Variants in SLC5A4 observed in about 807,000 individuals in gnomAD.
The protein encoded by SLC5A4 is solute carrier family 5 member 4.
Under a neutral mutation model 70.3 loss-of-function variants are expected in SLC5A4, and 55 were observed. That is an observed-to-expected ratio of 0.78 (90% CI 0.63 to 0.98). The LOEUF (loss-of-function observed/expected upper bound fraction) is 0.98, where lower values mean the gene tolerates loss of function less well. SLC5A4 is among the 50% of genes least tolerant of loss of function. The pLI is 0.00. For missense variants in SLC5A4, 735 were observed against 839.2 expected (o/e 0.88, Z 1.53); for synonymous variants, 268 against 305.7 (o/e 0.88, Z 1.29).
chr22:32,265,115 C>T, the SLC5A4 span, among the ~76,000 whole-genome samples: 1 of 152,208 alleles, frequency 6.6e-6, no homozygotes, highest in Admixed American at 6.5e-5. Flanking sequence ...AAATTTGCTT[C>T]CTTGCCAGGC....
At chr22:32,294,832 A>G in the SLC5A4 span, among the ~76,000 whole-genome samples, 1 of 71,350 alleles carries the variant, frequency 1.4e-5, no homozygotes, top group South Asian at 6.1e-4. Context: ...ACCCCACAAC[A>G]GTCCCCAGAG....
At chr22:32,341,975 ATTG>A in the SLC5A4 span, among the ~76,000 whole-genome samples, 1 of 152,162 alleles carries the variant, frequency 6.6e-6, no homozygotes, top group East Asian at 1.9e-4. Context: ...TTGAAATTTT[ATTG>A]TTATTACAAA....
chr22:32,224,702 G>A lies in SLC5A4; in HGVS notation c.1450-220C>T, dbSNP rs554256160. Among the ~76,000 whole-genome samples the A allele has an allele frequency of 1.2e-4, 18 of 152,216 alleles. No homozygotes were observed. In the South Asian group the frequency reaches 3.3e-3, roughly 28 times the overall value. ...GAACTGTACATACCACTGCACCATC[G>A]TTGATTCTCCAATACCAGGACACTA... On this transcript the variant is annotated intron_variant, in intron 12 of 14. Coordinates refer to ENST00000266086, the MANE Select transcript of SLC5A4 (RefSeq NM_014227.3).
the SLC5A4 span, among the ~76,000 whole-genome samples, chr22:32,325,141 T>C: frequency 7.5e-3 from 1,139 of 152,320 alleles, 7 homozygotes; most frequent in South Asian, 0.017. Flanking sequence ...CCTCACTCAG[T>C]GTCAACTCTT....
chr22:32,235,204 C>T, intron 7 of SLC5A4, 111 bp from the exon 8 acceptor site: 1 of 715,278 alleles, frequency 1.4e-6, no homozygotes, highest in Non-Finnish European at 2.4e-6. Flanking sequence ...TCAGCCCAGT[C>T]CAATCCTCAG....
the SLC5A4 span, among the ~76,000 whole-genome samples, chr22:32,301,049 ACCTCCCAGGTTCAAGCAGTTCTCCTG>A: frequency 6.6e-6 from 1 of 151,840 alleles, no homozygotes; most frequent in Non-Finnish European, 1.5e-5. Context: ...TGCAGCCTCC[ACCTCCCAGGTTCAAGCAGTTCTCCTG>A]CCTCAGCCTC....
At chr22:32,231,221 G>T in intron 9 of SLC5A4, 146 bp from the exon 10 acceptor site, 1 of 644,850 alleles carries the variant, frequency 1.6e-6, no homozygotes, top group African/African-American at 1.8e-5. Flanking sequence ...CCATATCATA[G>T]ATCTGGCCCC....
chr22:32,330,061 A>G, the SLC5A4 span, among the ~76,000 whole-genome samples: 16 of 21,540 alleles, frequency 7.4e-4, no homozygotes, highest in Admixed American at 1.5e-3. Flanking sequence ...TGGGGGCTCT[A>G]GAGTGTGTGT....
chr22:32,256,851 C>A (rs1927513141), upstream of SLC5A4, among the ~76,000 whole-genome samples: 1 of 152,162 alleles, frequency 6.6e-6, no homozygotes, highest in South Asian at 2.1e-4. Context: ...CTATACTTGG[C>A]TATTATAAAT....
intron 8 of SLC5A4, 146 bp from the exon 9 acceptor site, chr22:32,233,180 C>G (rs761184172): frequency 1.3e-6 from 1 of 797,862 alleles, no homozygotes; most frequent in Non-Finnish European, 1.9e-6. Context: ...GTGTTCATTG[C>G]AGCACTATTC....
chr22:32,300,882 G>C, the SLC5A4 span, among the ~76,000 whole-genome samples: 2 of 152,138 alleles, frequency 1.3e-5, 1 homozygote, highest in South Asian at 4.1e-4. Context: ...TTATTTACAG[G>C]TTTTTGTGTG....
At chr22:32,276,461 C>T in the SLC5A4 span, among the ~76,000 whole-genome samples, 4 of 152,170 alleles carry the variant, frequency 2.6e-5, no homozygotes, top group African/African-American at 4.8e-5. Flanking sequence ...CAAAGGGAAA[C>T]GTTTAACCAA....
chr22:32,272,534 G>A, the SLC5A4 span: 3 of 666,722 alleles, frequency 4.5e-6, no homozygotes, highest in East Asian at 2.7e-5. Flanking sequence ...GCTGAGCCTC[G>A]TCATGTGATG....
At chr22:32,302,446 T>C in the SLC5A4 span, among the ~76,000 whole-genome samples, 1 of 152,232 alleles carries the variant, frequency 6.6e-6, no homozygotes, top group Non-Finnish European at 1.5e-5. Flanking sequence ...GTTTTACATT[T>C]AACATTTAAA....
chr22:32,314,068 C>T, the SLC5A4 span, among the ~76,000 whole-genome samples: 1 of 152,194 alleles, frequency 6.6e-6, no homozygotes, highest in Non-Finnish European at 1.5e-5. Context: ...CCGACAAAGC[C>T]AGCAAAGCCC....
At chr22:32,301,077 C>T in the SLC5A4 span, among the ~76,000 whole-genome samples, 17 of 152,138 alleles carry the variant, frequency 1.1e-4, no homozygotes, top group Non-Finnish European at 2.2e-4. Flanking sequence ...GTTCTCCTGC[C>T]TCAGCCTCCC....
chr22:32,300,882 G>A, the SLC5A4 span, among the ~76,000 whole-genome samples: 1 of 152,256 alleles, frequency 6.6e-6, no homozygotes, highest in South Asian at 2.1e-4. Context: ...TTATTTACAG[G>A]TTTTTGTGTG....
chr22:32,268,388 G>C, the SLC5A4 span: 3 of 152,164 alleles, frequency 2.0e-5, no homozygotes, highest in African/African-American at 2.4e-5. Context: ...TGTGTCTGCT[G>C]CATCCGCTGC....
At chr22:32,221,145 A>C (rs1341535348) in intron 13 of SLC5A4, 123 bp from the exon 14 acceptor site, 1 of 551,642 alleles carries the variant, frequency 1.8e-6, no homozygotes, top group Non-Finnish European at 3.2e-6. Flanking sequence ...GAGAATATAG[A>C]TCACAAAGAA....
Sources: allele counts gnomAD v4.1 joint callset (sites outside exome capture counted in the v4.1 genomes callset), GRCh38; gene constraint gnomAD v4.1.1; transcripts MANE v1.5; gene names NCBI Gene and HGNC (gene_info 2026-07-23, HGNC 2026-07-21).